The following SOX6 variants were observed in gnomAD, a reference collection of about 807,000 sequenced individuals.
SOX6 encodes SRY-box transcription factor 6.
A neutral mutation model predicts 97.8 loss-of-function variants in SOX6; 11 were observed. The observed-to-expected ratio is 0.11, with a 90% CI of 0.07 to 0.19. SOX6 has a LOEUF of 0.19. Among genes scored for constraint, SOX6 ranks in the 10% least tolerant of loss-of-function variants. The pLI, the probability that SOX6 is intolerant of heterozygous loss-of-function variation, is 1.00. For missense variants in SOX6, 810 were observed against 1,039.5 expected, an observed-to-expected ratio of 0.78 and a Z score of 3.04; for synonymous variants, 360 against 371.4, an observed-to-expected ratio of 0.97 and a Z score of 0.35.
chr11:16,402,002 C>A (rs1858571383), intron 1 of SOX6, among the ~76,000 whole-genome samples: 1 of 151,480 alleles, frequency 6.6e-6, no homozygotes, highest in Admixed American at 6.6e-5. Context: ...CACATCACCA[C>A]CAACAACAAC....
At chr11:16,388,443 G>T (rs978906318) in intron 1 of SOX6, among the ~76,000 whole-genome samples, 1 of 151,986 alleles carries the variant, frequency 6.6e-6, no homozygotes, top group Non-Finnish European at 1.5e-5. Context: ...GGTAGAAATT[G>T]TTCTATTTTT....
intron 4 of SOX6, among the ~76,000 whole-genome samples, chr11:16,583,614 C>CATATATATATATATATATATACATAT (rs1848054025): frequency 3.8e-5 from 4 of 104,696 alleles, no homozygotes; most frequent in Admixed American, 9.9e-5. Context: ...TATATATATA[C>CATATATATATATATATATATACATAT]ATATATATAT....
intron 7 of SOX6, among the ~76,000 whole-genome samples, chr11:16,109,611 T>A (rs1460700397): frequency 1.3e-5 from 2 of 152,214 alleles, no homozygotes; most frequent in Non-Finnish European, 2.9e-5. Flanking sequence ...CTAATTCATG[T>A]GAATGATAAA....
chr11:16,366,224 C>A (rs1401828655), intron 1 of SOX6, among the ~76,000 whole-genome samples: 5 of 152,104 alleles, frequency 3.3e-5, no homozygotes, highest in African/African-American at 1.2e-4. Context: ...GCCAGGATTT[C>A]ATTTGCCATC....
chr11:16,670,645 C>T (rs1455937244), intron 3 of SOX6, among the ~76,000 whole-genome samples: 2 of 152,240 alleles, frequency 1.3e-5, no homozygotes, highest in Non-Finnish European at 2.9e-5. Flanking sequence ...GAACCCCCAA[C>T]TTGGGCCCAC....
In SOX6 at chr11:16,645,264, C is replaced by T. The variant is rs186931097; in HGVS notation, n.430-33004G>A. 6.6e-5 allele frequency among the ~76,000 whole-genome samples: 10 copies of T among 152,318 alleles called. No homozygotes were observed. In the East Asian group the frequency reaches 1.9e-3, roughly 29 times the overall value. On this transcript the variant is annotated intron_variant and non_coding_transcript_variant, in intron 3 of 5. Coordinates refer to the SOX6 transcript ENST00000524520. ...TCTCCAAATCTCTTTGCACAAATCG[C>T]AAGTTCACTTGGTATATTTTCTGCT...
intron 4 of SOX6, among the ~76,000 whole-genome samples, chr11:16,197,042 C>T (rs969519396): frequency 6.6e-6 from 1 of 152,090 alleles, no homozygotes; most frequent in Non-Finnish European, 1.5e-5. Context: ...CCATGTTTCA[C>T]AGGCTGGTCT....
At chr11:16,362,972 C>T (rs376625328) in intron 1 of SOX6, among the ~76,000 whole-genome samples, 8 of 152,122 alleles carry the variant, frequency 5.3e-5, no homozygotes, top group African/African-American at 1.2e-4. Flanking sequence ...TATAAACACA[C>T]GGTTCCAGAT....
rs1018202231 is a variant in SOX6 at position 15,968,556 on chromosome 11, C to T, written c.*4253G>A. 1 of 152,194 alleles carries T rather than the reference C, an allele frequency of 6.6e-6. No individual in the cohort carries two copies. The highest frequency in any genetic ancestry group is 2.4e-5 in the African/African-American group (1 of 41,444). The allele number at this position is 152,194 out of a possible 1,614,324, so 9.4% of individuals were successfully genotyped here. ...GTAAATGGGCTTTCCTGAAACAATC[C>T]CTGCTTTCTGCTAGTGCTTGTGCTC... On this transcript the variant is annotated 3_prime_UTR_variant, in exon 16 of 16. Coordinates refer to ENST00000683767, the MANE Select transcript of SOX6 (RefSeq NM_001367873.1).
chr11:16,564,527 C>G (rs946075827), intron 4 of SOX6, among the ~76,000 whole-genome samples: 1 of 151,962 alleles, frequency 6.6e-6, no homozygotes, highest in African/African-American at 2.4e-5. Flanking sequence ...TTTATGTGCC[C>G]CTAGAACATA....
At chr11:16,377,038 A>G (rs1339642355) in intron 1 of SOX6, among the ~76,000 whole-genome samples, 2 of 152,110 alleles carry the variant, frequency 1.3e-5, no homozygotes, top group Admixed American at 1.3e-4. Context: ...TTTAAAAAAA[A>G]AAAGTCAAGT....
chr11:16,517,395 G>A (rs866271863), intron 4 of SOX6, among the ~76,000 whole-genome samples: 10 of 152,196 alleles, frequency 6.6e-5, no homozygotes, highest in Middle Eastern at 3.4e-3. Context: ...AATTGTCCCT[G>A]TTTGCAGACG....
chr11:16,321,933 T>A (rs1203617280), intron 2 of SOX6, among the ~76,000 whole-genome samples: 1 of 152,130 alleles, frequency 6.6e-6, no homozygotes, highest in Non-Finnish European at 1.5e-5. Context: ...TGTAAGCAAT[T>A]CATCTGAGTA....
intron 1 of SOX6, among the ~76,000 whole-genome samples, chr11:16,418,277 T>C (rs1035184362): frequency 5.9e-5 from 9 of 152,198 alleles, no homozygotes; most frequent in Non-Finnish European, 1.2e-4. Flanking sequence ...TTAAAAGTGA[T>C]ATGGTAATCA....
chr11:16,575,793 T>C (rs773541887), intron 4 of SOX6, among the ~76,000 whole-genome samples: 3 of 152,100 alleles, frequency 2.0e-5, no homozygotes, highest in Non-Finnish European at 2.9e-5. Context: ...GGGGGTGTAA[T>C]TGGGAAGGAA....
At chr11:16,549,712 TA>T (rs570830311) in intron 4 of SOX6, among the ~76,000 whole-genome samples, 2 of 151,740 alleles carry the variant, frequency 1.3e-5, no homozygotes, top group African/African-American at 2.4e-5. Context: ...CAACTGGTGA[TA>T]AAAAAAACAA....
At chr11:16,556,071 A>T (rs1847745022) in intron 4 of SOX6, among the ~76,000 whole-genome samples, 1 of 151,686 alleles carries the variant, frequency 6.6e-6, no homozygotes, top group Admixed American at 6.6e-5. Flanking sequence ...ATTCTAGAGT[A>T]ACTCACATCT....
chr11:16,142,219 A>G (rs1166088280), intron 6 of SOX6, among the ~76,000 whole-genome samples: 1 of 152,150 alleles, frequency 6.6e-6, no homozygotes, highest in Non-Finnish European at 1.5e-5. Flanking sequence ...TGCAGCCTCC[A>G]CTGCTGATAC....
chr11:16,595,603 C>CAAAAAAAAAAAAAAAAAAAAAAAA (rs10712410), intron 4 of SOX6, among the ~76,000 whole-genome samples: 1 of 113,872 alleles, frequency 8.8e-6, no homozygotes, highest in Non-Finnish European at 1.8e-5. Context: ...CCACCTCTAC[C>CAAAAAAAAAAAAAAAAAAAAAAAA]AAAAAAAAAA....
Sources: gnomAD v4.1 joint callset for allele counts (sites outside exome capture counted in the v4.1 genomes callset) on GRCh38, gnomAD v4.1.1 for gene constraint, MANE v1.5 for transcripts, NCBI Gene and HGNC (gene_info 2026-07-23, HGNC 2026-07-21) for gene names.